Variants in CMIP observed in about 807,000 individuals in gnomAD.
CMIP encodes the protein c-Maf inducing protein.
In CMIP, 13 loss-of-function variants were observed where a neutral mutation model predicts 97.3. The observed-to-expected ratio is 0.13, with a 90% CI of 0.09 to 0.21. The LOEUF is 0.21. Among genes scored for constraint, CMIP ranks in the 10% least tolerant of loss-of-function variants. The pLI is 1.00. For synonymous variants in CMIP, 538 were observed against 436.3 expected (o/e 1.23, Z -2.91); for missense variants, 847 against 1,024.9 (o/e 0.83, Z 2.37).
chr16:81,698,708 C>T (rs1175360439), intron 14 of CMIP, among the ~76,000 whole-genome samples: 1 of 152,198 alleles, frequency 6.6e-6, no homozygotes. Flanking sequence ...CCGTTCATCT[C>T]CAGAACGTTC....
intron 10 of CMIP, among the ~76,000 whole-genome samples, chr16:81,684,863 T>C (rs1005660319): frequency 9.9e-5 from 15 of 152,224 alleles, no homozygotes; most frequent in African/African-American, 3.6e-4. Flanking sequence ...ACACCCTGCC[T>C]GGTGCCTGTC....
rs140794278 is a variant in CMIP, at chr16:81,552,159, C to T, written c.301-55408C>T. Among the ~76,000 whole-genome samples the T allele has an allele frequency of 2.6e-3, 391 of 152,258 alleles. 1 individual carries two copies. Among genetic ancestry groups the T allele is most frequent in the African/African-American group, 8.9e-3 (369 of 41,546 alleles). ...TAGCGGTGGCCTGGCTGCAAGGGGG[C>T]AGGGAGTTGGAATCCTCCCCATACG... On this transcript the variant is annotated intron_variant, in intron 1 of 20. Coordinates refer to ENST00000537098, the MANE Select transcript of CMIP (RefSeq NM_198390.3).
rs188761058 is a variant in CMIP, at chr16:81,702,242, T to C, written c.1897-380T>C. On this transcript the variant is annotated intron_variant, in intron 16 of 20. Coordinates refer to ENST00000537098, the MANE Select transcript of CMIP (RefSeq NM_198390.3). Reference sequence around the variant, plus strand: ...CAACCAGTCCCTTCTGGGGAGAGTGTGTAGAAATACCCCAGCTCCCTCACC... The same window carrying C: ...CAACCAGTCCCTTCTGGGGAGAGTGCGTAGAAATACCCCAGCTCCCTCACC... Among the ~76,000 whole-genome samples the C allele has an allele frequency of 5.9e-5, 9 of 152,232 alleles. No homozygotes were observed. In the East Asian group the frequency reaches 1.7e-3, roughly 29 times the overall value.
intron 1 of CMIP, among the ~76,000 whole-genome samples, chr16:81,602,689 C>G (rs555122016): frequency 6.6e-6 from 1 of 152,226 alleles, no homozygotes; most frequent in African/African-American, 2.4e-5. Context: ...CCTTACACTG[C>G]TCTTAACGTT....
intron 19 of CMIP, among the ~76,000 whole-genome samples, 186 bp from the exon 20 acceptor site, chr16:81,706,828 C>T (rs945724471): frequency 6.6e-6 from 1 of 152,172 alleles, no homozygotes; most frequent in Non-Finnish European, 1.5e-5. Context: ...CCAGCACGTG[C>T]CTGAAATAGA....
chr16:81,672,751 A>T (rs1180952051), intron 9 of CMIP, among the ~76,000 whole-genome samples: 2 of 152,076 alleles, frequency 1.3e-5, no homozygotes, highest in Admixed American at 1.3e-4. Flanking sequence ...AATATTTAAA[A>T]TTTTTTTGTA....
intron 1 of CMIP, among the ~76,000 whole-genome samples, chr16:81,451,836 G>C (rs1017474648): frequency 6.6e-6 from 1 of 152,146 alleles, no homozygotes; most frequent in African/African-American, 2.4e-5. Flanking sequence ...TGGAAGCCAG[G>C]CCACCCAGCC....
intron 9 of CMIP, among the ~76,000 whole-genome samples, chr16:81,675,035 G>A (rs1004741491): frequency 2.6e-5 from 4 of 152,196 alleles, no homozygotes; most frequent in African/African-American, 7.2e-5. Flanking sequence ...TAATTAGGAT[G>A]GCCCTGGCAT....
At chr16:81,495,124 C>A (rs533879623) in intron 1 of CMIP, among the ~76,000 whole-genome samples, 11 of 152,278 alleles carry the variant, frequency 7.2e-5, no homozygotes, top group Non-Finnish European at 1.0e-4. Context: ...ATATGCTGTC[C>A]GTGGCATAGG....
chr16:81,683,756 C>CTTTTTTTTTTTT (rs71272426), intron 10 of CMIP, among the ~76,000 whole-genome samples: 4 of 81,610 alleles, frequency 4.9e-5, no homozygotes, highest in Admixed American at 2.9e-4. Context: ...TTTTCTTTTT[C>CTTTTTTTTTTTT]TTTTTTTTTT....
At chr16:81,577,947 C>T (rs2091227137) in intron 1 of CMIP, among the ~76,000 whole-genome samples, 1 of 151,788 alleles carries the variant, frequency 6.6e-6, no homozygotes, top group Admixed American at 6.5e-5. Flanking sequence ...TCATCACCAC[C>T]ATCATCCCCA....
intron 1 of CMIP, among the ~76,000 whole-genome samples, chr16:81,493,975 G>GT (rs1021446238): frequency 5.3e-5 from 8 of 152,070 alleles, no homozygotes; most frequent in South Asian, 2.1e-4. Context: ...TTTATTAGCC[G>GT]TTTTTTTAAA....
chr16:81,549,738 A>G (rs977751724), intron 1 of CMIP, among the ~76,000 whole-genome samples: 34 of 152,210 alleles, frequency 2.2e-4, no homozygotes, highest in Non-Finnish European at 3.8e-4. Flanking sequence ...CCGAGCCCAG[A>G]GCAGGGCCTG....
At chr16:81,590,286 C>G (rs975903537) in intron 1 of CMIP, among the ~76,000 whole-genome samples, 13 of 152,192 alleles carry the variant, frequency 8.5e-5, no homozygotes, top group African/African-American at 3.1e-4. Flanking sequence ...ACCTCTTTTC[C>G]TGGTATTCTC....
intron 3 of CMIP, among the ~76,000 whole-genome samples, chr16:81,629,516 C>T (rs965766303): frequency 4.6e-5 from 7 of 152,232 alleles, no homozygotes; most frequent in East Asian, 1.9e-4. Flanking sequence ...ACCCCACCTC[C>T]GTTTGCCCGT....
intron 1 of CMIP, among the ~76,000 whole-genome samples, chr16:81,572,445 T>G (rs1238726905): frequency 1.3e-5 from 2 of 152,208 alleles, no homozygotes; most frequent in Non-Finnish European, 2.9e-5. Flanking sequence ...CTGCAGTCAT[T>G]CCTAAGCGGT....
intron 1 of CMIP, among the ~76,000 whole-genome samples, chr16:81,574,755 G>A (rs1226225962): frequency 6.6e-6 from 1 of 152,146 alleles, no homozygotes; most frequent in Non-Finnish European, 1.5e-5. Context: ...CACCATCCCT[G>A]TTCTCGGGAG....
chr16:81,569,815 C>G (rs920760439), intron 1 of CMIP, among the ~76,000 whole-genome samples: 14 of 152,182 alleles, frequency 9.2e-5, no homozygotes, highest in African/African-American at 3.4e-4. Flanking sequence ...ACTCGGTTTT[C>G]TCATCTGTAA....
intron 3 of CMIP, chr16:81,630,384 C>T (rs985800028): frequency 1.8e-4 from 27 of 152,436 alleles, no homozygotes; most frequent in African/African-American, 5.0e-4. Flanking sequence ...CATCAGCCAC[C>T]GCATGCTTTG....
Sources: gnomAD v4.1 joint callset for allele counts (sites outside exome capture counted in the v4.1 genomes callset) on GRCh38, gnomAD v4.1.1 for gene constraint, MANE v1.5 for transcripts, NCBI Gene and HGNC (gene_info 2026-07-23, HGNC 2026-07-21) for gene names.